OSBPL1A: variants seen among roughly 807,000 people sequenced by gnomAD.
OSBPL1A encodes the protein oxysterol-binding protein-related protein 1.
Under a neutral mutation model 137.1 loss-of-function variants are expected in OSBPL1A, and 80 were observed. The ratio of observed to expected loss-of-function variants is 0.58; its 90% CI spans 0.49 to 0.70. OSBPL1A has a LOEUF of 0.70. OSBPL1A is among the 30% of genes least tolerant of loss of function. The pLI, the probability that OSBPL1A is intolerant of heterozygous loss-of-function variation, is 0.00. For synonymous variants in OSBPL1A, 365 were observed against 389.7 expected (o/e 0.94, Z 0.75); for missense variants, 970 against 1,129.4 (o/e 0.86, Z 2.02).
At chr18:24,216,367 C>T (rs571691849) in intron 17 of OSBPL1A, among the ~76,000 whole-genome samples, 3 of 152,230 alleles carry the variant, frequency 2.0e-5, no homozygotes, top group African/African-American at 7.2e-5. Context: ...ATTAGCTGGG[C>T]GTGGCAGCGT....
intron 2 of OSBPL1A, among the ~76,000 whole-genome samples, chr18:24,376,719 T>C (rs577195996): frequency 1.6e-3 from 250 of 152,354 alleles, no homozygotes; most frequent in African/African-American, 5.8e-3. Flanking sequence ...TCCTGAGCCC[T>C]GCCCCGCAGG....
At chr18:24,356,457 TCATGA>T (rs2091536774) in intron 4 of OSBPL1A, among the ~76,000 whole-genome samples, 2 of 152,050 alleles carry the variant, frequency 1.3e-5, no homozygotes, top group South Asian at 4.2e-4. Flanking sequence ...ATCCAAAATG[TCATGA>T]GGCCCCTGTG....
intron 16 of OSBPL1A, among the ~76,000 whole-genome samples, chr18:24,228,544 T>C (rs2088167926): frequency 6.6e-6 from 1 of 152,116 alleles, no homozygotes; most frequent in Admixed American, 6.6e-5. Flanking sequence ...TAAGATCTGG[T>C]CCCTGCGCAT....
chr18:24,223,662 C>G (rs1165610891), intron 17 of OSBPL1A, among the ~76,000 whole-genome samples: 1 of 152,080 alleles, frequency 6.6e-6, no homozygotes, highest in East Asian at 1.9e-4. Flanking sequence ...ATAATTCTGT[C>G]AAATGCAAAA....
chr18:24,326,073 A>T (rs9963339), intron 7 of OSBPL1A, among the ~76,000 whole-genome samples: 3,092 of 152,148 alleles, frequency 0.02, 103 homozygotes, highest in African/African-American at 0.07. Context: ...AGAAAAGAAA[A>T]AAAGAAAAAA....
intron 1 of OSBPL1A, among the ~76,000 whole-genome samples, chr18:24,395,773 T>C (rs996668730): frequency 2.6e-5 from 4 of 151,544 alleles, no homozygotes; most frequent in East Asian, 2.0e-4. Flanking sequence ...AGGCGCCCAC[T>C]ACCACGCCCG....
intron 16 of OSBPL1A, among the ~76,000 whole-genome samples, chr18:24,230,160 T>G (rs2088225914): frequency 6.6e-6 from 1 of 152,138 alleles, no homozygotes; most frequent in Non-Finnish European, 1.5e-5. Flanking sequence ...AGGGAAGAGG[T>G]GCATCCTGCC....
At chr18:24,168,032 C>T (rs1016577433) in intron 24 of OSBPL1A, among the ~76,000 whole-genome samples, 1 of 152,174 alleles carries the variant, frequency 6.6e-6, no homozygotes, top group Non-Finnish European at 1.5e-5. Flanking sequence ...ATCATCATCA[C>T]TCGTTCCTAT....
intron 1 of OSBPL1A, among the ~76,000 whole-genome samples, chr18:24,382,157 T>C (rs146802321): frequency 0.021 from 3,166 of 150,360 alleles, 97 homozygotes; most frequent in African/African-American, 0.072. Context: ...TCCCAGCACT[T>C]TGGGAGGCCA....
chr18:24,379,046 C>T (rs1054900693), intron 1 of OSBPL1A, among the ~76,000 whole-genome samples: 1 of 151,510 alleles, frequency 6.6e-6, no homozygotes, highest in African/African-American at 2.4e-5. Context: ...AACTAATATC[C>T]TTAGATAATA....
chr18:24,247,603 C>A (rs958290924), intron 15 of OSBPL1A, among the ~76,000 whole-genome samples: 2 of 152,118 alleles, frequency 1.3e-5, no homozygotes, highest in Admixed American at 1.3e-4. Context: ...GCTGGGACTA[C>A]AGGAGCACAT....
chr18:24,282,927 A>T (rs7230960), intron 14 of OSBPL1A, among the ~76,000 whole-genome samples: 1 of 151,968 alleles, frequency 6.6e-6, no homozygotes, highest in South Asian at 2.1e-4. Flanking sequence ...TGAGCAAAAA[A>T]GCAAGACTTC....
intron 13 of OSBPL1A, among the ~76,000 whole-genome samples, chr18:24,305,683 T>C (rs2090485932): frequency 6.6e-6 from 1 of 152,222 alleles, no homozygotes; most frequent in Admixed American, 6.5e-5. Context: ...TTTGGCTGTG[T>C]CCTCACCCAA....
At chr18:24,252,828 GAAGTA>G (rs2089139870) in intron 15 of OSBPL1A, among the ~76,000 whole-genome samples, 1 of 151,868 alleles carries the variant, frequency 6.6e-6, no homozygotes. Context: ...CCGGGAGAAT[GAAGTA>G]AAGTGTAGAG....
At position 24,271,744 on chromosome 18, in the gene OSBPL1A, G is replaced by C; in HGVS notation, c.1281+9098C>G. 4 of 985,626 alleles carry C rather than the reference G, an allele frequency of 4.1e-6. No homozygotes were observed. Among genetic ancestry groups the C allele is most frequent in the Non-Finnish European group, 4.8e-6 (4 of 830,152 alleles). 61.1% of individuals were successfully genotyped at this position (985,626 alleles called of 1,614,324 possible). On this transcript the variant is annotated intron_variant, in intron 15 of 27. Transcript: ENST00000319481. This position sits in a 1 kb window ranked among gnomAD's most constrained non-coding sequence, Gnocchi z 4.0. ...CAGTCGAGCCGAGGCGAGCCGATCC[G>C]GGAGGCGCGACCCAGGGCGGCCCGC...
chr18:24,282,590 G>A (rs1181551001), intron 14 of OSBPL1A, among the ~76,000 whole-genome samples: 1 of 152,114 alleles, frequency 6.6e-6, no homozygotes, highest in East Asian at 1.9e-4. Flanking sequence ...CAAGAGGAAG[G>A]TGCAAAGTGC....
At chr18:24,280,751 C>A in intron 15 of OSBPL1A, 91 bp downstream of exon 15, 1 of 844,730 alleles carries the variant, frequency 1.2e-6, no homozygotes, top group African/African-American at 1.8e-5. Flanking sequence ...TTTTTCCTAC[C>A]TTTGAACAAT....
At chr18:24,191,370 A>T (rs1377480559) in intron 18 of OSBPL1A, among the ~76,000 whole-genome samples, 1 of 152,148 alleles carries the variant, frequency 6.6e-6, no homozygotes, top group African/African-American at 2.4e-5. Context: ...AAAACCCAAA[A>T]AACTCCTACT....
intron 14 of OSBPL1A, among the ~76,000 whole-genome samples, chr18:24,300,700 C>T (rs564424688): frequency 7.3e-4 from 111 of 152,304 alleles, no homozygotes; most frequent in South Asian, 5.6e-3. Flanking sequence ...AAATGTAAGT[C>T]AACTAACAAT....
Sources: gnomAD v4.1 joint callset for allele counts (sites outside exome capture counted in the v4.1 genomes callset) on GRCh38, gnomAD v4.1.1 for gene constraint, Gnocchi (gnomAD v3.1) non-coding constraint, MANE v1.5 for transcripts, NCBI Gene and HGNC (gene_info 2026-07-23, HGNC 2026-07-21) for gene names.